The following KCNT2 variants were observed in gnomAD, a reference collection of about 807,000 sequenced individuals.
KCNT2 encodes the protein potassium channel subfamily T member 2.
KCNT2 carries 67 observed loss-of-function variants against 153.8 expected under a neutral mutation model. That is an observed-to-expected ratio of 0.44 (90% confidence interval 0.36 to 0.53). The LOEUF (loss-of-function observed/expected upper bound fraction) is 0.53, where lower values mean the gene tolerates loss of function less well. Ranked by LOEUF, KCNT2 falls within the 20% of genes least tolerant of loss-of-function variation. The pLI, the probability that KCNT2 is intolerant of heterozygous loss-of-function variation, is 0.00. For missense variants in KCNT2, 975 were observed against 1,354.8 expected (o/e 0.72, Z 4.40); for synonymous variants, 500 against 458.8 (o/e 1.09, Z -1.15).
chr1:196,380,960 A>C (rs893366190), intron 13 of KCNT2, among the ~76,000 whole-genome samples: 1 of 152,212 alleles, frequency 6.6e-6, no homozygotes, highest in African/African-American at 2.4e-5. Flanking sequence ...TGAGGCATTC[A>C]ACCACTAAAT....
chr1:196,421,252 A>G (rs1367867421), intron 12 of KCNT2, among the ~76,000 whole-genome samples: 3 of 152,004 alleles, frequency 2.0e-5, no homozygotes, highest in Admixed American at 2.0e-4. Context: ...TCAGGAAAAA[A>G]AAGAGAATGC....
At chr1:196,486,115 G>T (rs1222713124) in intron 3 of KCNT2, among the ~76,000 whole-genome samples, 1 of 151,650 alleles carries the variant, frequency 6.6e-6, no homozygotes, top group Non-Finnish European at 1.5e-5. Context: ...ATTACTTTAG[G>T]TCATACCAGT....
intron 1 of KCNT2, among the ~76,000 whole-genome samples, chr1:196,596,861 T>G (rs1664149669): frequency 6.6e-6 from 1 of 152,016 alleles, no homozygotes; most frequent in African/African-American, 2.4e-5. Flanking sequence ...CCAACACACC[T>G]GGCTAATTTT....
chr1:196,571,419 A>G (rs1223467870), intron 1 of KCNT2, among the ~76,000 whole-genome samples: 3 of 152,124 alleles, frequency 2.0e-5, no homozygotes, highest in Non-Finnish European at 4.4e-5. Context: ...TTGAAATCCA[A>G]CTGAAACAGA....
At chr1:196,311,397 T>A (rs1662165030) in intron 21 of KCNT2, among the ~76,000 whole-genome samples, 1 of 151,858 alleles carries the variant, frequency 6.6e-6, no homozygotes. Context: ...CATCCTGTCC[T>A]ACTATAGATC....
chr1:196,364,603 G>T (rs1237783810), intron 14 of KCNT2, among the ~76,000 whole-genome samples: 1 of 152,070 alleles, frequency 6.6e-6, no homozygotes, highest in Non-Finnish European at 1.5e-5. Flanking sequence ...ATAGAAAACT[G>T]AATAAAACCA....
At chr1:196,327,706 G>T (rs184855560) in intron 18 of KCNT2, among the ~76,000 whole-genome samples, 36 of 135,104 alleles carry the variant, frequency 2.7e-4, no homozygotes, top group African/African-American at 1.1e-3. Flanking sequence ...CACTCCTGCC[G>T]CCCAGGCTGG....
At chr1:196,413,834 T>A (rs1214925556) in intron 12 of KCNT2, among the ~76,000 whole-genome samples, 1 of 151,542 alleles carries the variant, frequency 6.6e-6, no homozygotes, top group African/African-American at 2.4e-5. Context: ...CACAGGAGAG[T>A]ATTTGTAATG....
intron 5 of KCNT2, among the ~76,000 whole-genome samples, chr1:196,473,061 A>G (rs1287395205): frequency 6.6e-6 from 1 of 152,216 alleles, no homozygotes; most frequent in South Asian, 2.1e-4. Context: ...CATGGACGGA[A>G]TATATAAAGT....
chr1:196,281,092 T>A, intron 24 of KCNT2, 104 bp from the exon 25 acceptor site: 4 of 814,212 alleles, frequency 4.9e-6, no homozygotes, highest in Non-Finnish European at 7.8e-6. Context: ...GGGCAGGGTC[T>A]CACTCTGTCA....
intron 27 of KCNT2, 32 bp from the exon 28 acceptor site, chr1:196,228,367 C>T (rs1653655596): frequency 1.7e-6 from 2 of 1,165,566 alleles, no homozygotes; most frequent in African/African-American, 1.5e-5. Context: ...AATAACTTTG[C>T]AATAGTAAAT....
At chr1:196,460,401 T>A (rs1299874988) in intron 8 of KCNT2, among the ~76,000 whole-genome samples, 1 of 151,772 alleles carries the variant, frequency 6.6e-6, no homozygotes, top group East Asian at 1.9e-4. Flanking sequence ...ACTTATAATA[T>A]ATTTAAGTAT....
intron 14 of KCNT2, among the ~76,000 whole-genome samples, chr1:196,363,607 A>G (rs1243026059): frequency 6.6e-6 from 1 of 152,098 alleles, no homozygotes; most frequent in African/African-American, 2.4e-5. Context: ...TGGCTGGAGA[A>G]TGGGTTTGTT....
intron 11 of KCNT2, among the ~76,000 whole-genome samples, chr1:196,425,295 A>T (rs116276662): frequency 1.4e-3 from 208 of 152,032 alleles, no homozygotes; most frequent in African/African-American, 4.8e-3. Context: ...GCACAAAAAG[A>T]AGAGGGTAGC....
intron 1 of KCNT2, among the ~76,000 whole-genome samples, chr1:196,567,731 G>A (rs1440953345): frequency 2.0e-5 from 3 of 152,180 alleles, no homozygotes; most frequent in Non-Finnish European, 2.9e-5. Context: ...AGGTGGTGAA[G>A]GACGGCTGAG....
chr1:196,560,938 A>T (rs1297583125), intron 1 of KCNT2, among the ~76,000 whole-genome samples: 1 of 151,990 alleles, frequency 6.6e-6, no homozygotes, highest in African/African-American at 2.4e-5. Context: ...ATACTTATTC[A>T]GCAATGAAGG....
At chr1:196,352,998 G>A (rs1471178650) in intron 14 of KCNT2, among the ~76,000 whole-genome samples, 1 of 152,054 alleles carries the variant, frequency 6.6e-6, no homozygotes, top group Non-Finnish European at 1.5e-5. Flanking sequence ...CAGTTTCCAT[G>A]TAGTTGAGCG....
chr1:196,375,602 AC>A (rs1461177086), intron 13 of KCNT2, among the ~76,000 whole-genome samples: 3 of 151,702 alleles, frequency 2.0e-5, no homozygotes, highest in Non-Finnish European at 4.4e-5. Flanking sequence ...TATTAAAAAA[AC>A]ATGCTTTTTA....
At chr1:196,250,529 G>T (rs1351175156) in intron 26 of KCNT2, among the ~76,000 whole-genome samples, 1 of 152,100 alleles carries the variant, frequency 6.6e-6, no homozygotes, top group African/African-American at 2.4e-5. Context: ...AGTACTAAGA[G>T]AAAACATTGG....
Sources: gnomAD v4.1 joint callset for allele counts (sites outside exome capture counted in the v4.1 genomes callset) on GRCh38, gnomAD v4.1.1 for gene constraint, MANE v1.5 for transcripts, NCBI Gene and HGNC (gene_info 2026-07-23, HGNC 2026-07-21) for gene names.